The following IQGAP1 variants were observed in gnomAD, a reference collection of about 807,000 sequenced individuals.
IQGAP1 encodes IQ motif containing GTPase activating protein 1.
IQGAP1 carries 66 observed loss-of-function variants against 215.6 expected under a neutral mutation model. That is an observed-to-expected ratio of 0.31 (90% CI 0.25 to 0.38). The LOEUF is 0.38. Among genes scored for constraint, IQGAP1 ranks in the 10% least tolerant of loss-of-function variants. The pLI, the probability that IQGAP1 is intolerant of heterozygous loss-of-function variation, is 1.00. For missense variants in IQGAP1, 1,712 were observed against 1,997.1 expected (o/e 0.86, Z 2.72); for synonymous variants, 772 against 728.7 (o/e 1.06, Z -0.96).
chr15:90,465,052 C>T (rs761978867), intron 15 of IQGAP1, among the ~76,000 whole-genome samples: 1 of 152,196 alleles, frequency 6.6e-6, no homozygotes, highest in Non-Finnish European at 1.5e-5. Flanking sequence ...TCAGACTATG[C>T]TGTGAGGCTT....
At chr15:90,483,308 C>G in intron 28 of IQGAP1, 53 bp from the exon 29 acceptor site, 1 of 1,341,752 alleles carries the variant, frequency 7.5e-7, no homozygotes, top group Non-Finnish European at 1.1e-6. Flanking sequence ...TCATTTATAG[C>G]TTCCTTGGTG....
At chr15:90,491,175 T>G (rs1168116905) in intron 33 of IQGAP1, among the ~76,000 whole-genome samples, 158 bp from the exon 34 acceptor site, 1 of 152,238 alleles carries the variant, frequency 6.6e-6, no homozygotes, top group East Asian at 1.9e-4. Context: ...CTTCATGCAA[T>G]TTTTCATCTA....
chr15:90,440,362 C>T (rs75308149), intron 6 of IQGAP1, 140 bp from the exon 7 acceptor site: 8,512 of 605,752 alleles, frequency 0.014, 370 homozygotes, highest in East Asian at 0.13. Flanking sequence ...GCTTTCCATA[C>T]ATTGTATCTT....
At chr15:90,414,304 G>C (rs1965012370) in intron 2 of IQGAP1, among the ~76,000 whole-genome samples, 1 of 151,986 alleles carries the variant, frequency 6.6e-6, no homozygotes, top group African/African-American at 2.4e-5. Flanking sequence ...GGACAACATA[G>C]TGAAACCTTG....
At chr15:90,441,011 G>T (rs982259471) in intron 7 of IQGAP1, among the ~76,000 whole-genome samples, 1 of 151,992 alleles carries the variant, frequency 6.6e-6, no homozygotes, top group African/African-American at 2.4e-5. Context: ...GGAGGCTGAG[G>T]CAGGAGAATC....
chr15:90,448,870 A>T (rs896464029), intron 10 of IQGAP1, 134 bp downstream of exon 10: 14 of 734,084 alleles, frequency 1.9e-5, no homozygotes, highest in Non-Finnish European at 2.5e-5. Context: ...AAATTAGTTT[A>T]AAAAAAAATC....
chr15:90,482,829 G>A, intron 28 of IQGAP1: 1 of 563,086 alleles, frequency 1.8e-6, no homozygotes, highest in African/African-American at 2.0e-5. Flanking sequence ...TGGAAGAGAT[G>A]TGTGTTAAGT....
intron 2 of IQGAP1, among the ~76,000 whole-genome samples, chr15:90,396,294 A>T (rs1340643496): frequency 6.6e-6 from 1 of 152,174 alleles, no homozygotes; most frequent in African/African-American, 2.4e-5. Context: ...GGATCATGAA[A>T]ATAGAAGTTA....
chr15:90,417,422 A>G (rs10459676), intron 2 of IQGAP1, among the ~76,000 whole-genome samples: 63,079 of 151,952 alleles, frequency 0.42, 14,853 homozygotes, highest in African/African-American at 0.66. Context: ...AGCTTTCTAC[A>G]TATGGCTAGC....
intron 33 of IQGAP1, among the ~76,000 whole-genome samples, chr15:90,489,045 G>A (rs1966167624): frequency 6.6e-6 from 1 of 152,008 alleles, no homozygotes; most frequent in Non-Finnish European, 1.5e-5. Flanking sequence ...GTGTGATAAG[G>A]TCCAGTGGGG....
At chr15:90,478,902 G>C (rs1172539958) in intron 26 of IQGAP1, among the ~76,000 whole-genome samples, 4 of 152,212 alleles carry the variant, frequency 2.6e-5, no homozygotes, top group African/African-American at 9.6e-5. Flanking sequence ...CTGAGCTAGG[G>C]CCATAGCGTA....
chr15:90,428,400 G>A (rs1263038326), intron 3 of IQGAP1, among the ~76,000 whole-genome samples: 1 of 152,014 alleles, frequency 6.6e-6, no homozygotes, highest in Non-Finnish European at 1.5e-5. Context: ...TGAATACACA[G>A]TTATTCTGAA....
At chr15:90,416,143 T>A (rs932905907) in intron 2 of IQGAP1, among the ~76,000 whole-genome samples, 1 of 152,118 alleles carries the variant, frequency 6.6e-6, no homozygotes, top group Non-Finnish European at 1.5e-5. Flanking sequence ...TTACATTAGG[T>A]ATGTCTCCTA....
chr15:90,395,055 A>G (rs768757610), intron 2 of IQGAP1, among the ~76,000 whole-genome samples: 6 of 152,186 alleles, frequency 3.9e-5, no homozygotes, highest in Non-Finnish European at 7.3e-5. Flanking sequence ...ATTCCTATAA[A>G]TGAGCACTGG....
intron 2 of IQGAP1, among the ~76,000 whole-genome samples, chr15:90,415,671 G>T (rs983938611): frequency 6.6e-6 from 1 of 151,928 alleles, no homozygotes; most frequent in African/African-American, 2.4e-5. Flanking sequence ...TCTAATCCCC[G>T]TGCCTCATCT....
Position 90,476,718 on chromosome 15 carries a change from A to G in IQGAP1, c.2840A>G (p.Asp947Gly). The change falls in exon 24 of 38, where the codon GAT becomes GGT. Residue 947 changes from aspartate to glycine, a missense_variant. Around this residue, in one of 2 missense-constraint regions of IQGAP1, gnomAD observed 691 missense variants for 923.0 expected, o/e 0.75. Coordinates refer to ENST00000268182, the MANE Select transcript of IQGAP1 (RefSeq NM_003870.4). ...AAAAAAAATAAGGAACAGTTGTCTG[A>G]TATGATGATGATAAATAAACAGAAG... is the stretch of plus-strand genomic sequence containing the variant. ...LTKKNKEQLS[D>G]MMMINKQKGG... The G allele has an allele frequency of 6.2e-7, 1 of 1,604,576 alleles. No individual in the cohort carries two copies. The highest frequency in any genetic ancestry group is 8.5e-7 in the Non-Finnish European group (1 of 1,177,564).
In IQGAP1 at chr15:90,456,327, C is replaced by G. The variant is rs544660792; in HGVS notation, c.1776+12C>G. On this transcript the variant is annotated intron_variant, in intron 15 of 37. Transcript: ENST00000268182. ...GAGAGAAAGCCCAGGTGAGTGGCAT[C>G]GGAATTGTTCTTTATGTTCAGAGCA... 3.1e-6 allele frequency: 5 copies of G among 1,613,144 alleles called. No individual in the cohort carries two copies. The African/African-American group carries it at 5.3e-5, about 17-fold the overall frequency.
chr15:90,473,595 T>G (rs1965935256), intron 19 of IQGAP1, 120 bp from the exon 20 acceptor site: 2 of 680,996 alleles, frequency 2.9e-6, no homozygotes, highest in Non-Finnish European at 5.1e-6. Context: ...CTGGAAGTGG[T>G]CCTTCCTAAA....
intron 5 of IQGAP1, among the ~76,000 whole-genome samples, chr15:90,436,287 G>A (rs765648964): frequency 4.4e-4 from 67 of 152,242 alleles, no homozygotes; most frequent in African/African-American, 1.6e-3. Context: ...GGATTGGATT[G>A]AGGATGCTGC....
Sources: allele counts gnomAD v4.1 joint callset (sites outside exome capture counted in the v4.1 genomes callset), GRCh38; gene constraint gnomAD v4.1.1; regional missense constraint gnomAD v4.1.1; transcripts MANE v1.5; gene names NCBI Gene and HGNC (gene_info 2026-07-23, HGNC 2026-07-21).